The following GPC6 variants were observed in gnomAD, a reference collection of about 807,000 sequenced individuals.
The protein encoded by GPC6 is glypican-6.
In GPC6, 14 loss-of-function variants were observed where a neutral mutation model predicts 55.2. The ratio of observed to expected loss-of-function variants is 0.25; its 90% confidence interval spans 0.17 to 0.40. The LOEUF (loss-of-function observed/expected upper bound fraction) is 0.40. Among genes scored for constraint, GPC6 ranks in the 10% least tolerant of loss-of-function variants. The pLI is 1.00. For synonymous variants in GPC6, 278 were observed against 259.6 expected, an observed-to-expected ratio of 1.07 and a Z score of -0.68; for missense variants, 641 against 708.5, an observed-to-expected ratio of 0.90 and a Z score of 1.08.
At chr13:93,739,551 T>G (rs1884128243) in intron 2 of GPC6, among the ~76,000 whole-genome samples, 1 of 151,824 alleles carries the variant, frequency 6.6e-6, no homozygotes, top group Admixed American at 6.6e-5. Flanking sequence ...TGCCTCAGCC[T>G]CCTGAGTAGC....
intron 2 of GPC6, among the ~76,000 whole-genome samples, chr13:93,643,924 A>G (rs1166992354): frequency 6.6e-6 from 1 of 152,046 alleles, no homozygotes; most frequent in Non-Finnish European, 1.5e-5. Context: ...GTATTATTCA[A>G]TACATCATCA....
intron 4 of GPC6, among the ~76,000 whole-genome samples, chr13:94,165,169 G>A (rs923286969): frequency 2.0e-5 from 3 of 150,100 alleles, no homozygotes; most frequent in African/African-American, 7.3e-5. Flanking sequence ...GTCAACGAGT[G>A]GATAAAGAAA....
intron 1 of GPC6, among the ~76,000 whole-genome samples, chr13:93,500,329 T>C (rs1880474474): frequency 6.6e-6 from 1 of 152,110 alleles, no homozygotes; most frequent in African/African-American, 2.4e-5. Context: ...AAAGAGAGTG[T>C]AGAGACCTGG....
At chr13:93,592,987 ATT>A (rs2139510987) in intron 2 of GPC6, among the ~76,000 whole-genome samples, 1 of 152,212 alleles carries the variant, frequency 6.6e-6, no homozygotes, top group Non-Finnish European at 1.5e-5. Context: ...AAATCATTTT[ATT>A]TATTTAATTT....
chr13:93,247,522 G>T (rs2139023649), intron 1 of GPC6, among the ~76,000 whole-genome samples: 1 of 152,222 alleles, frequency 6.6e-6, no homozygotes. Flanking sequence ...CTCATTTCAT[G>T]ATATGGTATC....
chr13:93,734,553 C>CT (rs1343040919), intron 2 of GPC6, among the ~76,000 whole-genome samples: 1 of 152,088 alleles, frequency 6.6e-6, no homozygotes, highest in African/African-American at 2.4e-5. Flanking sequence ...AATTTCATTG[C>CT]TTTTTTATCC....
intron 1 of GPC6, among the ~76,000 whole-genome samples, chr13:93,357,608 G>A (rs796410850): frequency 3.6e-4 from 55 of 152,222 alleles, no homozygotes; most frequent in African/African-American, 1.2e-3. Context: ...GGAGGCTGAA[G>A]TGGGCAGATT....
At chr13:93,869,051 CT>C (rs1186334611) in intron 3 of GPC6, among the ~76,000 whole-genome samples, 1 of 151,786 alleles carries the variant, frequency 6.6e-6, no homozygotes, top group Non-Finnish European at 1.5e-5. Flanking sequence ...AATTCAGCTC[CT>C]TTTAATATAC....
At chr13:93,821,704 T>C (rs568185611) in intron 2 of GPC6, among the ~76,000 whole-genome samples, 2 of 152,348 alleles carry the variant, frequency 1.3e-5, no homozygotes, top group South Asian at 4.1e-4. Flanking sequence ...ACAGTAGATG[T>C]ACTATGTGAT....
intron 1 of GPC6, among the ~76,000 whole-genome samples, chr13:93,492,236 C>T (rs1339074213): frequency 1.4e-5 from 2 of 142,796 alleles, no homozygotes; most frequent in East Asian, 4.2e-4. Flanking sequence ...AGGTCCTTCA[C>T]ATCCCTTGTA....
chr13:94,328,724 G>A (rs1033761907), intron 6 of GPC6, among the ~76,000 whole-genome samples: 2 of 152,214 alleles, frequency 1.3e-5, no homozygotes, highest in East Asian at 1.9e-4. Context: ...GTATTTCAGG[G>A]AAAGGAAAGG....
chr13:93,259,172 A>G (rs985925929), intron 1 of GPC6, among the ~76,000 whole-genome samples: 4 of 152,130 alleles, frequency 2.6e-5, no homozygotes, highest in Non-Finnish European at 5.9e-5. Context: ...TTGGATTTCT[A>G]TGTTCATAAT....
chr13:94,020,079 T>C (rs772321049), intron 3 of GPC6, among the ~76,000 whole-genome samples: 3 of 147,326 alleles, frequency 2.0e-5, no homozygotes, highest in Non-Finnish European at 4.4e-5. Context: ...AGTTTTTTCC[T>C]TTTTTTCTAG....
At chr13:93,258,419 T>G (rs1566543696) in intron 1 of GPC6, among the ~76,000 whole-genome samples, 1 of 152,174 alleles carries the variant, frequency 6.6e-6, no homozygotes, top group Admixed American at 6.5e-5. Flanking sequence ...GCTCACTGGC[T>G]ACAATGGTGC....
intron 1 of GPC6, among the ~76,000 whole-genome samples, chr13:93,406,775 C>A (rs527511764): frequency 6.6e-6 from 1 of 152,186 alleles, no homozygotes; most frequent in African/African-American, 2.4e-5. Context: ...TCCCATGTAC[C>A]ATTCTTGCCA....
intron 4 of GPC6, among the ~76,000 whole-genome samples, chr13:94,179,401 G>C (rs1208923890): frequency 6.6e-6 from 1 of 152,120 alleles, no homozygotes; most frequent in African/African-American, 2.4e-5. Context: ...ATAGCTCCTA[G>C]GTAGCAGGAA....
intron 2 of GPC6, among the ~76,000 whole-genome samples, chr13:93,760,226 C>T (rs78080854): frequency 0.061 from 9,354 of 152,198 alleles, 472 homozygotes; most frequent in East Asian, 0.29. Flanking sequence ...CAGTGCAAGA[C>T]AGCCAGCAAT....
intron 1 of GPC6, among the ~76,000 whole-genome samples, chr13:93,475,001 G>A (rs1040331477): frequency 6.6e-6 from 1 of 152,096 alleles, no homozygotes; most frequent in Non-Finnish European, 1.5e-5. Context: ...AAATAATTAG[G>A]CAGGTGTGGT....
At chr13:93,295,290 C>CAAAA (rs67379652) in intron 1 of GPC6, among the ~76,000 whole-genome samples, 4 of 66,682 alleles carry the variant, frequency 6.0e-5, no homozygotes, top group East Asian at 5.1e-4. Flanking sequence ...GACCCTGTCT[C>CAAAA]AAAAAAAAAA....
Sources: gnomAD v4.1 joint callset for allele counts (sites outside exome capture counted in the v4.1 genomes callset) on GRCh38, gnomAD v4.1.1 for gene constraint, MANE v1.5 for transcripts, NCBI Gene and HGNC (gene_info 2026-07-23, HGNC 2026-07-21) for gene names.